Variants in LMNTD1 observed in about 807,000 individuals in gnomAD.
LMNTD1 encodes the protein lamin tail domain-containing protein 1.
Under a neutral mutation model 50.9 loss-of-function variants are expected in LMNTD1, and 35 were observed. That is an observed-to-expected ratio of 0.69 (90% CI 0.53 to 0.91). The LOEUF (loss-of-function observed/expected upper bound fraction) is 0.91, where lower values mean the gene tolerates loss of function less well. LMNTD1 is among the 40% of genes least tolerant of loss of function. The pLI, the probability that LMNTD1 is intolerant of heterozygous loss-of-function variation, is 0.00. For missense variants in LMNTD1, 470 were observed against 475.5 expected (o/e 0.99, Z 0.11); for synonymous variants, 153 against 161.9 (o/e 0.94, Z 0.42).
At chr12:25,583,670 C>A (rs1051430867) in intron 1 of LMNTD1, among the ~76,000 whole-genome samples, 1 of 152,110 alleles carries the variant, frequency 6.6e-6, no homozygotes, top group East Asian at 1.9e-4. Context: ...GTAGAGGGAG[C>A]CACAAGTGCA....
intron 8 of LMNTD1, among the ~76,000 whole-genome samples, chr12:25,516,468 T>C (rs911573832): frequency 2.6e-5 from 4 of 152,168 alleles, no homozygotes; most frequent in Non-Finnish European, 4.4e-5. Context: ...GTGAAGATGA[T>C]CATTAATTAA....
intron 1 of LMNTD1, among the ~76,000 whole-genome samples, chr12:25,636,172 G>A (rs978863459): frequency 5.3e-5 from 8 of 152,160 alleles, no homozygotes; most frequent in African/African-American, 1.9e-4. Context: ...CACAGCAAAA[G>A]GAACAGTCAG....
intron 1 of LMNTD1, among the ~76,000 whole-genome samples, chr12:25,563,404 G>T (rs907119232): frequency 5.9e-5 from 9 of 152,196 alleles, no homozygotes; most frequent in Non-Finnish European, 1.0e-4. Flanking sequence ...GTTTGCTGGA[G>T]GTCCACTCCA....
chr12:25,486,014 TTAAAG>T (rs1366157034), intron 9 of LMNTD1, among the ~76,000 whole-genome samples: 216 of 107,920 alleles, frequency 2.0e-3, no homozygotes, highest in Middle Eastern at 8.0e-3. Context: ...CATATGAACT[TTAAAG>T]TAGTTTTTTC....
chr12:25,502,724 G>T (rs983104096), intron 9 of LMNTD1, among the ~76,000 whole-genome samples: 1 of 152,172 alleles, frequency 6.6e-6, no homozygotes, highest in African/African-American at 2.4e-5. Flanking sequence ...CAGGAAGTTG[G>T]CAGTTCAAGG....
At chr12:25,643,968 A>G (rs1171767210) in intron 1 of LMNTD1, among the ~76,000 whole-genome samples, 1 of 152,218 alleles carries the variant, frequency 6.6e-6, no homozygotes. Flanking sequence ...CAGATAAAGT[A>G]AAAGAAATAA....
intron 8 of LMNTD1, among the ~76,000 whole-genome samples, chr12:25,512,782 A>G (rs949515292): frequency 6.6e-6 from 1 of 151,894 alleles, no homozygotes; most frequent in African/African-American, 2.4e-5. Flanking sequence ...TTGGTAGTGC[A>G]TGGGGTAAGG....
At chr12:25,582,422 T>C (rs932716622) in intron 1 of LMNTD1, 3 of 152,224 alleles carry the variant, frequency 2.0e-5, no homozygotes, top group East Asian at 1.9e-4. Flanking sequence ...TATAACTCAC[T>C]TTAGATAAGT....
chr12:25,642,457 C>CCATG (rs573662073), intron 1 of LMNTD1, among the ~76,000 whole-genome samples: 44 of 152,290 alleles, frequency 2.9e-4, no homozygotes, highest in Non-Finnish European at 5.0e-4. Flanking sequence ...AAGAACCCAA[C>CCATG]CATGCTGCAC....
At chr12:25,487,592 T>G (rs1938699550) in intron 9 of LMNTD1, among the ~76,000 whole-genome samples, 1 of 133,312 alleles carries the variant, frequency 7.5e-6, no homozygotes, top group African/African-American at 2.8e-5. Context: ...TTATCCAATT[T>G]GCCTGTCTGT....
At chr12:25,609,591 G>A (rs1411152138) in intron 1 of LMNTD1, among the ~76,000 whole-genome samples, 1 of 152,160 alleles carries the variant, frequency 6.6e-6, no homozygotes, top group African/African-American at 2.4e-5. Flanking sequence ...TCAGCTGCAG[G>A]TCTGTTGGGG....
At chr12:25,554,159 T>C (rs1466844273), upstream of LMNTD1, among the ~76,000 whole-genome samples, 3 of 152,208 alleles carry the variant, frequency 2.0e-5, no homozygotes, top group Non-Finnish European at 4.4e-5. Flanking sequence ...ATTATGTAAA[T>C]ATAGCATCAG....
chr12:25,579,577 C>A (rs1353771315), intron 1 of LMNTD1, among the ~76,000 whole-genome samples: 1 of 152,138 alleles, frequency 6.6e-6, no homozygotes, highest in African/African-American at 2.4e-5. Context: ...TCTTTGACTT[C>A]TCTATCTAGG....
chr12:25,559,465 T>C (rs749793814), intron 1 of LMNTD1, among the ~76,000 whole-genome samples: 1 of 152,234 alleles, frequency 6.6e-6, no homozygotes, highest in African/African-American at 2.4e-5. Context: ...TTTGGGTTGG[T>C]TCCAACTCTT....
rs529427423 is a variant in LMNTD1 at position 25,585,208 on chromosome 12, C to A, written c.59-38654G>T. Among the ~76,000 whole-genome samples the A allele has an allele frequency of 4.6e-5, 7 of 152,298 alleles. No homozygotes were observed. In the East Asian group the frequency reaches 1.4e-3, roughly 29 times the overall value. On this transcript the variant is annotated intron_variant, in intron 1 of 7. Transcript: ENST00000445693. ...ATTTGAACATTCCTTCATAAAGGCT[C>A]ACCCTCAGCAAACTCTCTGCTCTTC...
In LMNTD1 at chr12:25,546,446, T is replaced by G. The variant is rs1287438935; in HGVS notation, c.419A>C (p.His140Pro). Residue 140 changes from histidine (H) to proline (P), a missense_variant, in exon 4 of 10, where the codon CAC becomes CCC. By Grantham distance (77) the His-to-Pro change is moderately conservative. Coordinates refer to ENST00000458174, the MANE Select transcript of LMNTD1 (RefSeq NM_001145728.2). The stretch of plus-strand genomic sequence containing the variant: ...TAAAGTTTTCTGAGTGTAGTTTGAG[T>G]GTGCTGTAAGTTTCTTTGAATCACC... ...LFGDSKKLTA[H>P]SNYTQKTLKY... is the part of the protein sequence containing the mutation. 2 of 1,600,684 alleles carry G rather than the reference T, an allele frequency of 1.2e-6. No homozygotes were observed. The highest frequency in any genetic ancestry group is 1.1e-5 in the South Asian group (1 of 89,258).
At chr12:25,543,552 G>A (rs1943236571) in intron 4 of LMNTD1, among the ~76,000 whole-genome samples, 1 of 151,364 alleles carries the variant, frequency 6.6e-6, no homozygotes, top group African/African-American at 2.4e-5. Flanking sequence ...CTTTTTGTTT[G>A]TTGATCTATA....
At chr12:25,640,325 T>C (rs1255610662) in intron 1 of LMNTD1, among the ~76,000 whole-genome samples, 1 of 151,806 alleles carries the variant, frequency 6.6e-6, no homozygotes, top group Non-Finnish European at 1.5e-5. Context: ...GCCTGGGCAA[T>C]GTGGCAAAAC....
At chr12:25,503,864 G>A in intron 8 of LMNTD1, 64 bp from the exon 9 acceptor site, 3 of 809,036 alleles carry the variant, frequency 3.7e-6, no homozygotes, top group Non-Finnish European at 4.0e-6. Flanking sequence ...CAAGAGTTCA[G>A]TCCAGTATTC....
Sources: gnomAD v4.1 joint callset for allele counts (sites outside exome capture counted in the v4.1 genomes callset) on GRCh38, gnomAD v4.1.1 for gene constraint, MANE v1.5 for transcripts, NCBI Gene and HGNC (gene_info 2026-07-23, HGNC 2026-07-21) for gene names.